The following GABRA1 variants were observed in gnomAD, a reference collection of about 807,000 sequenced individuals.
The protein encoded by GABRA1 is gamma-aminobutyric acid receptor subunit alpha-1.
A neutral mutation model predicts 48.9 loss-of-function variants in GABRA1; 9 were observed. The ratio of observed to expected loss-of-function variants is 0.18; its 90% confidence interval spans 0.11 to 0.32. GABRA1 has a LOEUF of 0.32. Ranked by LOEUF, GABRA1 falls within the 10% of genes least tolerant of loss-of-function variation. The pLI, the probability that GABRA1 is intolerant of heterozygous loss-of-function variation, is 1.00. For synonymous variants in GABRA1, 210 were observed against 198.7 expected (o/e 1.06, Z -0.48); for missense variants, 285 against 553.8 (o/e 0.51, Z 4.87).
chr5:161,871,172 T>G (rs1188451253), intron 4 of GABRA1, among the ~76,000 whole-genome samples: 1 of 152,178 alleles, frequency 6.6e-6, no homozygotes, highest in African/African-American at 2.4e-5. Flanking sequence ...TGTCAAAGAT[T>G]TGGTAATACA....
intron 1 of GABRA1, chr5:161,848,936 C>T: frequency 2.2e-6 from 1 of 454,676 alleles, no homozygotes; most frequent in South Asian, 1.5e-5. Context: ...CTGTTTTTCC[C>T]TTTCCAGTGG....
chr5:161,864,668 G>A (rs1205620900), intron 3 of GABRA1, among the ~76,000 whole-genome samples: 1 of 151,648 alleles, frequency 6.6e-6, no homozygotes, highest in Admixed American at 6.6e-5. Flanking sequence ...GATACTCTTG[G>A]GAAATATATA....
At chr5:161,855,060 T>C (rs892043090) in intron 3 of GABRA1, among the ~76,000 whole-genome samples, 10 of 151,534 alleles carry the variant, frequency 6.6e-5, no homozygotes, top group African/African-American at 2.4e-4. Flanking sequence ...TCTTTCAAAG[T>C]CACACAGAAA....
Position 161,848,342 on chromosome 5 carries a change from G to C in GABRA1, c.-96G>C, listed in dbSNP as rs1322083944. The C allele has an allele frequency of 6.6e-6, 1 of 152,432 alleles. No individual in the cohort carries two copies. 9.4% of individuals were successfully genotyped at this position (152,432 alleles called of 1,614,324 possible). A position where few individuals can be genotyped will look rare whatever the true frequency, so the allele number is the denominator to read the frequency against. The stretch of plus-strand genomic sequence containing the variant: ...CCCGGACTCGGACTCGCAGACTCGC[G>C]CTGGCTCCAGTCTCTCCACGATTCT... On this transcript the variant is annotated 5_prime_UTR_variant, in exon 1 of 10. Transcript: ENST00000393943.
chr5:161,852,539 T>C (rs1204888880), intron 2 of GABRA1, among the ~76,000 whole-genome samples: 1 of 152,012 alleles, frequency 6.6e-6, no homozygotes, highest in African/African-American at 2.4e-5. Flanking sequence ...TTTGTGACAA[T>C]GAGTTTTTAT....
upstream of GABRA1, chr5:161,848,117 C>T (rs1016267432): frequency 2.6e-5 from 4 of 152,174 alleles, no homozygotes; most frequent in Non-Finnish European, 5.9e-5. Context: ...ATGAAGTCAC[C>T]GCCTATTTCA....
intron 6 of GABRA1, among the ~76,000 whole-genome samples, chr5:161,876,892 C>T (rs767975009): frequency 5.9e-5 from 9 of 152,254 alleles, no homozygotes; most frequent in South Asian, 4.1e-4. Flanking sequence ...GAAGATCATA[C>T]GCCGTAGTTT....
At chr5:161,854,820 G>A (rs985643127) in intron 3 of GABRA1, among the ~76,000 whole-genome samples, 8 of 151,338 alleles carry the variant, frequency 5.3e-5, no homozygotes, top group Non-Finnish European at 1.2e-4. Flanking sequence ...TATTTTACTT[G>A]GTATATCAAT....
intron 5 of GABRA1, 55 bp downstream of exon 5, chr5:161,873,392 C>T (rs1754209104): frequency 1.5e-6 from 2 of 1,371,858 alleles, no homozygotes; most frequent in East Asian, 4.6e-5. Context: ...TTCCCTTCCA[C>T]TTGTAGGCAA....
chr5:161,872,291 G>C (rs1033934799), intron 4 of GABRA1: 1 of 152,570 alleles, frequency 6.6e-6, no homozygotes, highest in African/African-American at 2.4e-5. Context: ...CACATTGCTT[G>C]TTTTCAGATT....
rs769743354 is a variant in GABRA1, at chr5:161,854,177, C to T, written c.94C>T (p.Gln32Ter). ...TGRSYGQPSL[Q>*]DELKDNTTVF... The stretch of plus-strand genomic sequence containing the variant: ...TTTCAGCTATGGACAGCCGTCATTA[C>T]AAGATGAACTTAAAGACAATACCAC... The change falls in exon 3 of 10, where the codon CAA (glutamine) becomes TAA (stop). Residue 32 changes from glutamine (Q) to a stop codon, truncating the protein, a stop_gained. Transcript: ENST00000393943. LOFTEE classifies it high-confidence loss of function. 1.2e-6 allele frequency: 2 copies of T among 1,600,748 alleles called. No homozygotes were observed. The highest frequency in any genetic ancestry group is 1.7e-6 in the Non-Finnish European group (2 of 1,168,606).
Position 161,850,894 on chromosome 5 carries a change from CT to C in GABRA1, c.74+16del, listed in dbSNP as rs748100563. 1.6e-5 allele frequency: 26 copies of C among 1,610,200 alleles called. No individual in the cohort carries two copies. The African/African-American group carries it at 2.7e-4, about 17-fold the overall frequency. ...CACTGACTGGAAGAAGGTGGGGACA[CT>C]TTTTTAAAAATCTGCATGAAAATTT... On this transcript the variant is annotated intron_variant, in intron 2 of 9. Coordinates refer to ENST00000393943, the MANE Select transcript of GABRA1 (RefSeq NM_001127644.2).
chr5:161,875,788 T>A, intron 6 of GABRA1, 146 bp downstream of exon 6: 1 of 695,284 alleles, frequency 1.4e-6, no homozygotes, highest in Non-Finnish European at 2.6e-6. Context: ...AGTAGTGCTC[T>A]GTGACTTCAC....
At chr5:161,882,364 G>A (rs1181649771) in intron 6 of GABRA1, 194 bp from the exon 7 acceptor site, 2 of 561,112 alleles carry the variant, frequency 3.6e-6, no homozygotes, top group Non-Finnish European at 3.0e-6. Flanking sequence ...TGTTGGAAGA[G>A]TGAATAAATG....
At chr5:161,862,582 C>A (rs1455719484) in intron 3 of GABRA1, among the ~76,000 whole-genome samples, 3 of 151,862 alleles carry the variant, frequency 2.0e-5, no homozygotes, top group African/African-American at 7.2e-5. Flanking sequence ...ACTCACATCT[C>A]TATCCATCCC....
At position 161,873,103 on chromosome 5, in the gene GABRA1, C is replaced by T; in HGVS notation, c.256-14C>T. On this transcript the variant is annotated splice_polypyrimidine_tract_variant and intron_variant, in intron 4 of 9. Coordinates refer to ENST00000393943, the MANE Select transcript of GABRA1 (RefSeq NM_001127644.2). ...AGCACAGTGAACTCTTCGTCATTTT[C>T]CAAAATTACCTAGGAATATACAATA... 6.3e-7 allele frequency: 1 copy of T among 1,582,864 alleles called. No homozygotes were observed.
At chr5:161,880,987 G>T (rs1358258717) in intron 6 of GABRA1, among the ~76,000 whole-genome samples, 2 of 152,164 alleles carry the variant, frequency 1.3e-5, no homozygotes, top group East Asian at 3.8e-4. Flanking sequence ...ATTCCTCCAA[G>T]AAGAAAATTA....
chr5:161,853,053 C>T (rs1477773563), intron 2 of GABRA1, among the ~76,000 whole-genome samples: 3 of 151,716 alleles, frequency 2.0e-5, no homozygotes, highest in Non-Finnish European at 4.4e-5. Context: ...AGTTTACACC[C>T]TATATTCATT....
At chr5:161,874,369 G>C (rs1413440788) in intron 5 of GABRA1, among the ~76,000 whole-genome samples, 1 of 152,030 alleles carries the variant, frequency 6.6e-6, no homozygotes, top group Non-Finnish European at 1.5e-5. Context: ...TAGAAATAGA[G>C]GACCAATGGA....
Sources: gnomAD v4.1 joint callset for allele counts (sites outside exome capture counted in the v4.1 genomes callset) on GRCh38, gnomAD v4.1.1 for gene constraint, MANE v1.5 for transcripts, NCBI Gene and HGNC (gene_info 2026-07-23, HGNC 2026-07-21) for gene names.